Variants in EFCAB8 observed in about 807,000 individuals in gnomAD.
EFCAB8 encodes EF-hand calcium binding domain 8, also known as EF-hand calcium-binding domain-containing protein 8.
A neutral mutation model predicts 116.3 loss-of-function variants in EFCAB8; 100 were observed. The observed-to-expected ratio is 0.86, with a 90% CI of 0.73 to 1.02. EFCAB8 has a LOEUF of 1.02. EFCAB8 is among the 50% of genes least tolerant of loss of function. The pLI is 0.00. For synonymous variants in EFCAB8, 558 were observed against 567.9 expected (o/e 0.98, Z 0.25); for missense variants, 1,320 against 1,416.9 (o/e 0.93, Z 1.10).
chr20:32,938,295 AT>A (rs1988200195), intron 22 of EFCAB8, among the ~76,000 whole-genome samples: 1 of 150,062 alleles, frequency 6.7e-6, no homozygotes. Flanking sequence ...TAAACTAGAA[AT>A]AGAAACTCCT....
chr20:32,911,780 A>T, intron 16 of EFCAB8, 73 bp downstream of exon 16: 1 of 1,439,198 alleles, frequency 6.9e-7, no homozygotes, highest in Admixed American at 2.0e-5. Flanking sequence ...TGACCCTGGG[A>T]TGCACTATTT....
intron 20 of EFCAB8, among the ~76,000 whole-genome samples, chr20:32,929,463 T>A (rs1017467903): frequency 1.4e-5 from 2 of 139,878 alleles, no homozygotes; most frequent in Non-Finnish European, 3.1e-5. Flanking sequence ...CTCCCTTCCC[T>A]CCCCTCCCCT....
chr20:32,909,821 A>G lies in EFCAB8; in HGVS notation c.1447A>G (p.Ile483Val). ...TCTCTGCCCCTTTCCTCACCTACAGATCGGGATCCTAAAAGGGTACTTAGA... is the reference window on the plus strand; with the variant it reads ...TCTCTGCCCCTTTCCTCACCTACAGGTCGGGATCCTAAAAGGGTACTTAGA... ...DNTLICSTYSIGILKGYLEAQ... is the reference protein window; with the variant it reads ...DNTLICSTYSVGILKGYLEAQ... Residue 483 changes from isoleucine (I) to valine (V), a missense_variant and splice_region_variant, in exon 15 of 27, where the codon ATC becomes GTC. Coordinates refer to ENST00000400522, the MANE Select transcript of EFCAB8 (RefSeq NM_001143967.2). The G allele has an allele frequency of 1.6e-6, 2 of 1,247,522 alleles. No homozygotes were observed. Among genetic ancestry groups the G allele is most frequent in the East Asian group, 3.2e-5 (1 of 31,678 alleles). The allele number at this position is 1,247,522 out of a possible 1,614,324, so 77.3% of individuals were successfully genotyped here.
intron 20 of EFCAB8, among the ~76,000 whole-genome samples, chr20:32,921,253 G>T (rs1682007684): frequency 6.6e-6 from 1 of 151,968 alleles, no homozygotes; most frequent in African/African-American, 2.4e-5. Flanking sequence ...GAGTACAGTG[G>T]TGTGATCACA....
intron 11 of EFCAB8, among the ~76,000 whole-genome samples, chr20:32,905,576 A>G: frequency 6.6e-6 from 1 of 152,072 alleles, no homozygotes; most frequent in East Asian, 1.9e-4. Flanking sequence ...CCTGGCCAAC[A>G]TGGTAAAAGC....
chr20:32,909,264 G>C (rs1430482765), intron 14 of EFCAB8, among the ~76,000 whole-genome samples: 1 of 152,204 alleles, frequency 6.6e-6, no homozygotes, highest in African/African-American at 2.4e-5. Flanking sequence ...CAGGTGGTCA[G>C]CATTTGCTGA....
At chr20:32,898,754 G>A in intron 11 of EFCAB8, 131 bp downstream of exon 11, 2 of 609,126 alleles carry the variant, frequency 3.3e-6, no homozygotes, top group South Asian at 1.9e-5. Flanking sequence ...TTCCAGCATT[G>A]CCAGCAGCAG....
At chr20:32,941,763 A>T (rs1988416678) in intron 22 of EFCAB8, among the ~76,000 whole-genome samples, 1 of 152,184 alleles carries the variant, frequency 6.6e-6, no homozygotes, top group Non-Finnish European at 1.5e-5. Flanking sequence ...GGGGTGATGA[A>T]ATGGTCTAAA....
At chr20:32,943,138 A>C (rs547777234) in intron 22 of EFCAB8, among the ~76,000 whole-genome samples, 1 of 152,168 alleles carries the variant, frequency 6.6e-6, no homozygotes, top group East Asian at 1.9e-4. Context: ...CACCCTATTC[A>C]TCTCCCAATA....
rs145173065 is a variant in EFCAB8, at chr20:32,876,542, G to A, written c.327+498G>A. Reference sequence around the variant, plus strand: ...TTTTAAGCATACAGAAAAGTACCAAGGATAGTCTGACAAATTGATGTAGCA... The same window carrying A: ...TTTTAAGCATACAGAAAAGTACCAAAGATAGTCTGACAAATTGATGTAGCA... On this transcript the variant is annotated intron_variant, in intron 4 of 26. Transcript: ENST00000400522. Among the ~76,000 whole-genome samples, 1,126 of 152,280 alleles carry A rather than the reference G, an allele frequency of 7.4e-3. 15 individuals carry two copies. Among genetic ancestry groups the A allele is most frequent in the African/African-American group, 0.026 (1,070 of 41,534 alleles).
At chr20:32,912,771 C>T (rs1445931572) in intron 16 of EFCAB8, 23 bp from the exon 17 acceptor site, 1 of 718,232 alleles carries the variant, frequency 1.4e-6, no homozygotes, top group African/African-American at 1.7e-5. Flanking sequence ...TTTTCTAGTT[C>T]TGTTTTCTTT....
intron 11 of EFCAB8, among the ~76,000 whole-genome samples, chr20:32,900,527 A>C (rs958224208): frequency 4.6e-5 from 7 of 151,074 alleles, no homozygotes; most frequent in African/African-American, 1.7e-4. Context: ...TGCTCAGCTA[A>C]TTTTTGTATT....
chr20:32,882,195 G>A (rs1191272657), intron 5 of EFCAB8, among the ~76,000 whole-genome samples: 7 of 151,508 alleles, frequency 4.6e-5, no homozygotes, highest in African/African-American at 4.9e-5. Flanking sequence ...TGAAAACTCC[G>A]TCTCAAAAAG....
intron 15 of EFCAB8, among the ~76,000 whole-genome samples, chr20:32,910,529 G>A (rs138735745): frequency 2.2e-3 from 340 of 152,158 alleles, no homozygotes; most frequent in African/African-American, 7.8e-3. Context: ...CAGGTGCGCC[G>A]CATCGGCTGC....
At chr20:32,895,544 C>G (rs1986117091) in intron 9 of EFCAB8, among the ~76,000 whole-genome samples, 1 of 148,700 alleles carries the variant, frequency 6.7e-6, no homozygotes, top group South Asian at 2.2e-4. Flanking sequence ...ACTGTGTTGT[C>G]CAGACTGGTA....
chr20:32,863,056 G>C (rs1322272164), intron 1 of EFCAB8, among the ~76,000 whole-genome samples: 1 of 150,466 alleles, frequency 6.6e-6, no homozygotes, highest in East Asian at 1.9e-4. Flanking sequence ...CCTCCCCTCT[G>C]CCTCCAGGAC....
intron 1 of EFCAB8, among the ~76,000 whole-genome samples, chr20:32,862,691 GATCTCGGCTC>G: frequency 6.6e-6 from 1 of 151,970 alleles, no homozygotes; most frequent in Non-Finnish European, 1.5e-5. Context: ...ACAATGGCTC[GATCTCGGCTC>G]ATGGCAACCT....
chr20:32,939,914 C>T (rs1356248312), intron 22 of EFCAB8, among the ~76,000 whole-genome samples: 6 of 147,532 alleles, frequency 4.1e-5, no homozygotes, highest in South Asian at 2.1e-4. Flanking sequence ...AAGCTGGTCT[C>T]GAACTCCTGA....
intron 19 of EFCAB8, among the ~76,000 whole-genome samples, 196 bp downstream of exon 19, chr20:32,918,770 G>C (rs1987320093): frequency 6.6e-6 from 1 of 152,202 alleles, no homozygotes; most frequent in Admixed American, 6.5e-5. Flanking sequence ...CTATCCTGGA[G>C]CTGGGGCTAG....
Sources: gnomAD v4.1 joint callset for allele counts (sites outside exome capture counted in the v4.1 genomes callset) on GRCh38, gnomAD v4.1.1 for gene constraint, MANE v1.5 for transcripts, NCBI Gene and HGNC (gene_info 2026-07-23, HGNC 2026-07-21) for gene names.